ARHGAP10: variants seen among roughly 807,000 people sequenced by gnomAD.
ARHGAP10 encodes the protein Rho GTPase activating protein 10, also known as rho GTPase-activating protein 10.
ARHGAP10 carries 87 observed loss-of-function variants against 108.6 expected under a neutral mutation model. The observed-to-expected ratio is 0.80, with a 90% confidence interval of 0.67 to 0.96. ARHGAP10 has a LOEUF of 0.96. ARHGAP10 is among the 40% of genes least tolerant of loss of function. The pLI, the probability that ARHGAP10 is intolerant of heterozygous loss-of-function variation, is 0.00. For missense variants in ARHGAP10, 939 were observed against 954.5 expected, an observed-to-expected ratio of 0.98 and a Z score of 0.21; for synonymous variants, 347 against 341.1, an observed-to-expected ratio of 1.02 and a Z score of -0.19.
chr4:147,809,743 A>G (rs1731935124), intron 1 of ARHGAP10, among the ~76,000 whole-genome samples: 2 of 151,974 alleles, frequency 1.3e-5, no homozygotes, highest in African/African-American at 2.4e-5. Context: ...TTTTGGGATG[A>G]CTCAAGTGCA....
chr4:148,063,901 C>T (rs546631125), intron 21 of ARHGAP10, among the ~76,000 whole-genome samples: 21 of 152,256 alleles, frequency 1.4e-4, no homozygotes, highest in African/African-American at 4.6e-4. Flanking sequence ...TTTCTTGGGG[C>T]GGAGGCAGGG....
At chr4:147,914,307 T>C (rs899233154) in intron 13 of ARHGAP10, among the ~76,000 whole-genome samples, 3 of 152,182 alleles carry the variant, frequency 2.0e-5, no homozygotes, top group East Asian at 1.9e-4. Context: ...CTGAGTTCTT[T>C]TCTGGCACCT....
chr4:147,981,583 T>C (rs1739808366), intron 18 of ARHGAP10, among the ~76,000 whole-genome samples: 1 of 152,256 alleles, frequency 6.6e-6, no homozygotes, highest in African/African-American at 2.4e-5. Flanking sequence ...TAGTCAAGTG[T>C]TGAATTTAAG....
At chr4:147,888,635 T>A (rs1735669293) in intron 10 of ARHGAP10, among the ~76,000 whole-genome samples, 1 of 152,222 alleles carries the variant, frequency 6.6e-6, no homozygotes, top group South Asian at 2.1e-4. Flanking sequence ...ATGAAGCTGC[T>A]TTTTAAAAAC....
intron 10 of ARHGAP10, among the ~76,000 whole-genome samples, chr4:147,884,302 A>G (rs998303410): frequency 5.3e-5 from 8 of 152,166 alleles, no homozygotes; most frequent in African/African-American, 1.9e-4. Flanking sequence ...AGGGATTCCT[A>G]TGGAGGTGCT....
rs543539343 is a variant in ARHGAP10, at chr4:147,997,229, T to A, written c.1717-26034T>A. Among the ~76,000 whole-genome samples, 58 of 152,338 alleles carry A rather than the reference T, an allele frequency of 3.8e-4. No individual in the cohort carries two copies. The South Asian group carries it at 0.011, about 30-fold the overall frequency. ...ACTAACCAAAATACCCAGTGTGGAA[T>A]CTACAAACGTATTGCAGCAGGAGGG... On this transcript the variant is annotated intron_variant, in intron 18 of 22. Transcript: ENST00000336498.
intron 13 of ARHGAP10, among the ~76,000 whole-genome samples, chr4:147,929,370 C>T (rs1435092907): frequency 6.6e-6 from 1 of 152,100 alleles, no homozygotes; most frequent in African/African-American, 2.4e-5. Context: ...CTTCTGTCTG[C>T]TTATATTTAA....
At chr4:147,934,608 C>T (rs1477991735) in intron 13 of ARHGAP10, among the ~76,000 whole-genome samples, 1 of 152,160 alleles carries the variant, frequency 6.6e-6, no homozygotes, top group East Asian at 1.9e-4. Context: ...TGCCCTGAGG[C>T]AGTAGGACCA....
chr4:147,913,279 A>G (rs1481220491), intron 13 of ARHGAP10, 140 bp downstream of exon 13: 1 of 732,968 alleles, frequency 1.4e-6, no homozygotes, highest in Non-Finnish European at 2.3e-6. Context: ...CAGAAGGATC[A>G]GTTATTCATT....
intron 20 of ARHGAP10, among the ~76,000 whole-genome samples, chr4:148,059,261 C>T (rs1358617510): frequency 2.0e-5 from 3 of 152,108 alleles, no homozygotes; most frequent in Admixed American, 1.3e-4. Flanking sequence ...TCTTGGTAAA[C>T]GTGGTTTCTG....
At chr4:147,766,951 C>T (rs745913448) in intron 1 of ARHGAP10, among the ~76,000 whole-genome samples, 5 of 151,282 alleles carry the variant, frequency 3.3e-5, no homozygotes, top group South Asian at 2.1e-4. Context: ...CAGATTCAAG[C>T]GATTCTCCTG....
At chr4:147,776,567 T>A (rs190204060) in intron 1 of ARHGAP10, among the ~76,000 whole-genome samples, 53 of 152,342 alleles carry the variant, frequency 3.5e-4, no homozygotes, top group Non-Finnish European at 1.8e-4. Flanking sequence ...TGAAGCATAT[T>A]TCTCCCTTCA....
At chr4:147,829,056 T>C (rs1213901175) in intron 3 of ARHGAP10, among the ~76,000 whole-genome samples, 1 of 3,922 alleles carries the variant, frequency 2.5e-4, no homozygotes, top group African/African-American at 2.8e-4. Flanking sequence ...TTTTTTTGTA[T>C]TTTTTTTTTT....
intron 3 of ARHGAP10, among the ~76,000 whole-genome samples, chr4:147,827,803 A>G (rs1436373002): frequency 6.6e-6 from 1 of 151,998 alleles, no homozygotes. Flanking sequence ...TGGTCACTTA[A>G]TCTTTTTTTT....
intron 1 of ARHGAP10, among the ~76,000 whole-genome samples, chr4:147,764,333 A>C (rs985086582): frequency 2.0e-5 from 3 of 152,014 alleles, no homozygotes; most frequent in Non-Finnish European, 4.4e-5. Flanking sequence ...TGGAGACCCT[A>C]GTCTGAGCTT....
chr4:147,898,160 T>G, intron 10 of ARHGAP10, among the ~76,000 whole-genome samples: 1 of 140,756 alleles, frequency 7.1e-6, no homozygotes, highest in African/African-American at 2.5e-5. Flanking sequence ...GTTCCATTTC[T>G]TTTAAGTTCC....
At chr4:147,785,847 C>T (rs1730869294) in intron 1 of ARHGAP10, among the ~76,000 whole-genome samples, 1 of 152,130 alleles carries the variant, frequency 6.6e-6, no homozygotes, top group Non-Finnish European at 1.5e-5. Flanking sequence ...TCATAGTTGA[C>T]TTAAGTGATG....
chr4:147,908,953 GAGAAA>G, intron 11 of ARHGAP10, among the ~76,000 whole-genome samples: 1 of 152,182 alleles, frequency 6.6e-6, no homozygotes, highest in Middle Eastern at 3.4e-3. Flanking sequence ...GTTATTAACT[GAGAAA>G]ACACAGCGCA....
At chr4:147,917,446 G>A (rs1266670078) in intron 13 of ARHGAP10, 2 of 152,220 alleles carry the variant, frequency 1.3e-5, no homozygotes, top group East Asian at 1.9e-4. Flanking sequence ...CTGACAGCTC[G>A]ATTGTGAAGT....
Sources: gnomAD v4.1 joint callset for allele counts (sites outside exome capture counted in the v4.1 genomes callset) on GRCh38, gnomAD v4.1.1 for gene constraint, MANE v1.5 for transcripts, NCBI Gene and HGNC (gene_info 2026-07-23, HGNC 2026-07-21) for gene names.